Variants in MCOLN1 observed in about 807,000 individuals in gnomAD.
The protein encoded by MCOLN1 is mucolipin-1.
A neutral mutation model predicts 70.3 loss-of-function variants in MCOLN1; 50 were observed. The observed-to-expected ratio is 0.71, with a 90% CI of 0.57 to 0.90. The LOEUF (loss-of-function observed/expected upper bound fraction) is 0.90, where lower values mean the gene tolerates loss of function less well. Ranked by LOEUF, MCOLN1 falls within the 40% of genes least tolerant of loss-of-function variation. The pLI is 0.00. For synonymous variants in MCOLN1, 366 were observed against 341.0 expected (o/e 1.07, Z -0.81); for missense variants, 598 against 803.5 (o/e 0.74, Z 3.09).
rs2022509867 is a variant in MCOLN1 at position 7,522,655 on chromosome 19, C to A, written c.-96C>A. 3.8e-6 allele frequency: 5 copies of A among 1,322,244 alleles called. No homozygotes were observed. The highest frequency in any genetic ancestry group is 2.8e-5 in the Admixed American group (1 of 35,452). 81.9% of individuals were successfully genotyped at this position (1,322,244 alleles called of 1,614,324 possible). On this transcript the variant is annotated 5_prime_UTR_variant, in exon 1 of 14. Transcript: ENST00000264079. ...CAGCTGATGCCGGAGGGTTTGAAGC[C>A]GCGCCGCGAGGGAGCGAGGTCGCAG...
In MCOLN1 at chr19:7,522,774, C is replaced by T. The variant is rs886527724; in HGVS notation, c.24C>T (p.Arg8=). The T allele has an allele frequency of 2.5e-4, 353 of 1,399,782 alleles. 1 individual carries two copies. The highest frequency in any genetic ancestry group is 3.1e-4 in the Non-Finnish European group (339 of 1,081,162). 86.7% of individuals were successfully genotyped at this position (1,399,782 alleles called of 1,614,324 possible). Residue 8 remains arginine (R), a synonymous_variant, in exon 1 of 14, where the codon CGC becomes CGT. Transcript: ENST00000264079. Reference sequence around the variant, plus strand: ...GCATGACAGCCCCGGCGGGTCCGCGCGGCTCAGGTGAGGGCGCGGGCGGCA... The same window carrying T: ...GCATGACAGCCCCGGCGGGTCCGCGTGGCTCAGGTGAGGGCGCGGGCGGCA... The part of the protein sequence containing the change: MTAPAGP[R]GSETERLLTP...
rs774636157 is a variant in MCOLN1 at position 7,526,419 on chromosome 19, C to A, written c.238-20C>A. ...CAACCCCCATCCTAGCCATGCCAAC[C>A]TCTACTACCCTCTCCCCAGCTCATC... On this transcript the variant is annotated intron_variant, in intron 2 of 13. Transcript: ENST00000264079. This position sits in a 1 kb window ranked among gnomAD's most constrained non-coding sequence, Gnocchi z 4.6. 1.2e-6 allele frequency: 2 copies of A among 1,614,252 alleles called. No individual in the cohort carries two copies. The highest frequency in any genetic ancestry group is 2.2e-5 in the South Asian group (2 of 91,086).
At chr19:7,533,354 G>T in intron 12 of MCOLN1, 169 bp from the exon 13 acceptor site, 1 of 799,384 alleles carries the variant, frequency 1.3e-6, no homozygotes, top group South Asian at 1.7e-5. Flanking sequence ...GGTCAGGGAA[G>T]GTCCCTCTGT....
At position 7,533,939 on chromosome 19, in the gene MCOLN1, T is replaced by G. The variant is rs1485986128; in HGVS notation, c.*144T>G. On this transcript the variant is annotated 3_prime_UTR_variant, in exon 14 of 14. Transcript: ENST00000264079. The stretch of plus-strand genomic sequence containing the variant: ...GGCCTGGACCTTTCGTGTCGGACCC[T>G]TGGGGGCGGGGAGACTGGGTGGGGA... The G allele has an allele frequency of 5.4e-6, 5 of 930,514 alleles. No individual in the cohort carries two copies. Among genetic ancestry groups the G allele is most frequent in the Non-Finnish European group, 8.5e-6 (5 of 590,510 alleles). The allele number at this position is 930,514 out of a possible 1,614,324, so 57.6% of individuals were successfully genotyped here. A position where few individuals can be genotyped will look rare whatever the true frequency, so the allele number is the denominator to read the frequency against.
chr19:7,533,429 G>A, intron 12 of MCOLN1, 94 bp from the exon 13 acceptor site: 1 of 1,547,090 alleles, frequency 6.5e-7, no homozygotes, highest in Non-Finnish European at 8.8e-7. Context: ...GAGGTGGGAA[G>A]CGATGCAGAT....
chr19:7,532,360 C>T (rs2022665279), intron 12 of MCOLN1, among the ~76,000 whole-genome samples: 1 of 152,050 alleles, frequency 6.6e-6, no homozygotes, highest in Non-Finnish European at 1.5e-5. Flanking sequence ...AGGAGAGCTT[C>T]TAGAATGTTC....
chr19:7,527,349 ATATTT>A (rs2022587000), intron 4 of MCOLN1, among the ~76,000 whole-genome samples, 166 bp from the exon 5 acceptor site: 2 of 151,648 alleles, frequency 1.3e-5, no homozygotes, highest in South Asian at 4.2e-4. Flanking sequence ...ACCAGATGTT[ATATTT>A]TAATATGGCT....
Position 7,525,218 on chromosome 19 carries a change from G to T in MCOLN1, c.237+52G>T, listed in dbSNP as rs754477801. 1.4e-5 allele frequency: 21 copies of T among 1,538,508 alleles called. No individual in the cohort carries two copies. The highest frequency in any genetic ancestry group is 1.9e-5 in the Non-Finnish European group (21 of 1,113,932). ...GCTGAAGGCCACCTGTGGCTGCTGT[G>T]CTCCTTGAAGAGAGTCTTAAAGCAG... On this transcript the variant is annotated intron_variant, in intron 2 of 13. Transcript: ENST00000264079. The surrounding 1 kb of genome is among the most constrained non-coding windows in gnomAD (Gnocchi z 4.2).
intron 12 of MCOLN1, among the ~76,000 whole-genome samples, chr19:7,532,447 C>T (rs959107763): frequency 2.6e-5 from 4 of 152,054 alleles, no homozygotes; most frequent in Non-Finnish European, 4.4e-5. Flanking sequence ...GTGACTCACG[C>T]CTGTAATCCC....
Position 7,525,355 on chromosome 19 carries a change from G to T in MCOLN1, c.237+189G>T, listed in dbSNP as rs372828050. 4 of 581,794 alleles carry T rather than the reference G, an allele frequency of 6.9e-6. 1 individual carries two copies. Among genetic ancestry groups the T allele is most frequent in the Admixed American group, 5.0e-5 (2 of 39,936 alleles). The allele number at this position is 581,794 out of a possible 1,614,324, so 36.0% of individuals were successfully genotyped here. ...AAAAATACAAAAAAATTAGCCGTGC[G>T]TGGTGGCGGGTGCCTGTAATCCCAG... On this transcript the variant is annotated intron_variant, in intron 2 of 13. Coordinates refer to ENST00000264079, the MANE Select transcript of MCOLN1 (RefSeq NM_020533.3). This position sits in a 1 kb window ranked among gnomAD's most constrained non-coding sequence, Gnocchi z 4.2.
rs778275447 is a variant in MCOLN1, at chr19:7,524,935, C to T, written c.32-26C>T. The T allele has an allele frequency of 2.5e-6, 4 of 1,603,930 alleles. No homozygotes were observed. In the Admixed American group the frequency reaches 6.7e-5, roughly 27 times the overall value. Reference sequence around the variant, plus strand: ...AAAAGGGGAGTTGCCCAGGCCTCACCCCAGTGCCCTCTCCTATTCCCACAG... The same window carrying T: ...AAAAGGGGAGTTGCCCAGGCCTCACTCCAGTGCCCTCTCCTATTCCCACAG... On this transcript the variant is annotated intron_variant, in intron 1 of 13. Coordinates refer to ENST00000264079, the MANE Select transcript of MCOLN1 (RefSeq NM_020533.3). This position sits in a 1 kb window ranked among gnomAD's most constrained non-coding sequence, Gnocchi z 4.1.
intron 9 of MCOLN1, 38 bp from the exon 10 acceptor site, chr19:7,529,063 G>A (rs773509929): frequency 8.4e-5 from 135 of 1,613,370 alleles, no homozygotes; most frequent in Non-Finnish European, 1.1e-4. Flanking sequence ...CCAAAGGAAG[G>A]GCTGGGCCAG....
rs748188749 is a variant in MCOLN1 at position 7,526,493 on chromosome 19, A to G, written c.292A>G (p.Thr98Ala). The part of the protein sequence containing the change: ...QLAVTFREEN[T>A]IAFRHLFLLG... Reference sequence around the variant, plus strand: ...GGCTGTGACATTCCGGGAAGAGAACACCATCGCCTTCCGACACCTCTTCCT... The same window carrying G: ...GGCTGTGACATTCCGGGAAGAGAACGCCATCGCCTTCCGACACCTCTTCCT... Residue 98 changes from threonine (T) to alanine (A), a missense_variant, in exon 3 of 14, where the codon ACC (threonine) becomes GCC (alanine). Transcript: ENST00000264079. The surrounding 1 kb of genome is among the most constrained non-coding windows in gnomAD (Gnocchi z 4.6). The G allele has an allele frequency of 6.2e-7, 1 of 1,614,106 alleles. No homozygotes were observed. Among genetic ancestry groups the G allele is most frequent in the Admixed American group, 1.7e-5 (1 of 60,006 alleles).
At position 7,533,937 on chromosome 19, in the gene MCOLN1, C is replaced by A. The variant is rs1422725156; in HGVS notation, c.*142C>A. 1 of 942,096 alleles carries A rather than the reference C, an allele frequency of 1.1e-6. No individual in the cohort carries two copies. The highest frequency in any genetic ancestry group is 1.7e-6 in the Non-Finnish European group (1 of 600,694). 58.4% of individuals were successfully genotyped at this position (942,096 alleles called of 1,614,324 possible). On this transcript the variant is annotated 3_prime_UTR_variant, in exon 14 of 14. Transcript: ENST00000264079. ...AGGGCCTGGACCTTTCGTGTCGGAC[C>A]CTTGGGGGCGGGGAGACTGGGTGGG...
intron 12 of MCOLN1, among the ~76,000 whole-genome samples, chr19:7,532,512 C>T (rs1265041535): frequency 6.6e-6 from 1 of 151,982 alleles, no homozygotes; most frequent in Non-Finnish European, 1.5e-5. Context: ...GTTAGGAGTT[C>T]GAGACCAGCC....
At chr19:7,527,662 G>T (rs377745876) in intron 5 of MCOLN1, 34 bp downstream of exon 5, 55 of 1,463,208 alleles carry the variant, frequency 3.8e-5, no homozygotes, top group Middle Eastern at 1.7e-4. Flanking sequence ...GGCCCAGGGT[G>T]GGGGAGGCAG....
chr19:7,533,346 T>C, intron 12 of MCOLN1, 177 bp from the exon 13 acceptor site: 1 of 737,442 alleles, frequency 1.4e-6, no homozygotes, highest in Non-Finnish European at 2.2e-6. Context: ...GGTTCAGGGG[T>C]CAGGGAAGGT....
chr19:7,523,005 C>T (rs2022516839), intron 1 of MCOLN1, among the ~76,000 whole-genome samples: 1 of 152,196 alleles, frequency 6.6e-6, no homozygotes. Flanking sequence ...CAAACTCAGG[C>T]AGGGATCGCG....
At chr19:7,529,520 C>CCCCCAAA in intron 10 of MCOLN1, 70 bp from the exon 11 acceptor site, 1 of 1,386,884 alleles carries the variant, frequency 7.2e-7, no homozygotes, top group Non-Finnish European at 1.0e-6. Context: ...CTCCCACCCC[C>CCCCCAAA]ATCTGGGTGC....
Sources: allele counts gnomAD v4.1 joint callset (sites outside exome capture counted in the v4.1 genomes callset), GRCh38; gene constraint gnomAD v4.1.1; non-coding constraint Gnocchi (gnomAD v3.1); transcripts MANE v1.5; gene names NCBI Gene and HGNC (gene_info 2026-07-23, HGNC 2026-07-21).